DNAAF8: variants seen among roughly 807,000 people sequenced by gnomAD.
DNAAF8 encodes dynein axonemal-associated protein 1.
DNAAF8 carries 61 observed loss-of-function variants against 54.6 expected under a neutral mutation model. That is an observed-to-expected ratio of 1.12 (90% confidence interval 0.91 to 1.38). The LOEUF (loss-of-function observed/expected upper bound fraction) is 1.38. Ranked by LOEUF, DNAAF8 falls within the 40% of genes most tolerant of loss-of-function variation. DNAAF8 has a pLI of 0.00. For synonymous variants in DNAAF8, 320 were observed against 270.1 expected (o/e 1.18, Z -1.81); for missense variants, 837 against 665.0 (o/e 1.26, Z -2.85).
chr16:4,744,280 C>G (rs899098045), intron 5 of DNAAF8, among the ~76,000 whole-genome samples: 2 of 152,044 alleles, frequency 1.3e-5, no homozygotes, highest in Non-Finnish European at 2.9e-5. Flanking sequence ...CAAGCTATTG[C>G]AATTAGAAAA....
chr16:4,737,670 G>A, intron 2 of DNAAF8, 130 bp from the exon 3 acceptor site: 1 of 1,186,852 alleles, frequency 8.4e-7, no homozygotes. Flanking sequence ...GAGCAGCAGG[G>A]CTGGACGGGC....
At chr16:4,746,828 C>T in intron 7 of DNAAF8, 99 bp from the exon 8 acceptor site, 1 of 1,153,482 alleles carries the variant, frequency 8.7e-7, no homozygotes, top group African/African-American at 1.6e-5. Context: ...TGACCTCTTG[C>T]ATTGGGTCAC....
At chr16:4,747,816 G>T (rs945852438) in intron 9 of DNAAF8, among the ~76,000 whole-genome samples, 182 bp downstream of exon 9, 3 of 152,114 alleles carry the variant, frequency 2.0e-5, no homozygotes, top group Non-Finnish European at 2.9e-5. Flanking sequence ...TTAGAGGAAG[G>T]ATGCAGATAC....
At position 4,740,491 on chromosome 16, in the gene DNAAF8, G is replaced by A; in HGVS notation, c.615G>A (p.Lys205=). 1 of 1,614,120 alleles carries A rather than the reference G, an allele frequency of 6.2e-7. No homozygotes were observed. Among genetic ancestry groups the A allele is most frequent in the East Asian group, 2.2e-5 (1 of 44,876 alleles). Residue 205 remains lysine, a synonymous_variant, in exon 4 of 10, where the codon AAG becomes AAA. Transcript: ENST00000299320. ...NRRALRQERR[K]MIETDILQKV... ...GGGCCCTCCGACAGGAGAGAAGGAAGATGATAGAGACGGACATCCTCCAGA... is the reference window on the plus strand; with the variant it reads ...GGGCCCTCCGACAGGAGAGAAGGAAAATGATAGAGACGGACATCCTCCAGA...
intron 2 of DNAAF8, among the ~76,000 whole-genome samples, 173 bp downstream of exon 2, chr16:4,736,816 C>T (rs1384450210): frequency 6.6e-6 from 1 of 152,142 alleles, no homozygotes. Context: ...TTTCTGGGTG[C>T]CTATTTCCTT....
At position 4,747,510 on chromosome 16, in the gene DNAAF8, C is replaced by A; in HGVS notation, c.1448C>A (p.Ala483Asp). Reference protein sequence around the residue: ...TGRKQHMKLCAKGQSAQARLP... With the variant: ...TGRKQHMKLCDKGQSAQARLP... ...AGGAAGCAACACATGAAGCTCTGTG[C>A]CAAGGGGCAGAGCGCCCAGGCTCGA... is the stretch of plus-strand genomic sequence containing the variant. The change falls in exon 9 of 10, where the codon GCC becomes GAC. Residue 483 changes from alanine (A) to aspartate (D), a missense_variant. Ala to Asp is a moderately radical substitution (Grantham distance 126, BLOSUM62 -2). Coordinates refer to ENST00000299320, the MANE Select transcript of DNAAF8 (RefSeq NM_139170.3). 6.2e-7 allele frequency: 1 copy of A among 1,613,254 alleles called. No homozygotes were observed. Among genetic ancestry groups the A allele is most frequent in the Non-Finnish European group, 8.5e-7 (1 of 1,179,958 alleles).
chr16:4,737,641 G>A (rs2081913266), intron 2 of DNAAF8, among the ~76,000 whole-genome samples, 159 bp from the exon 3 acceptor site: 2 of 152,170 alleles, frequency 1.3e-5, no homozygotes, highest in Admixed American at 6.5e-5. Flanking sequence ...GGAGAGAACC[G>A]GATCTCCCCC....
At chr16:4,746,781 T>A (rs2082022701) in intron 7 of DNAAF8, 146 bp from the exon 8 acceptor site, 1 of 815,052 alleles carries the variant, frequency 1.2e-6, no homozygotes, top group Admixed American at 3.2e-5. Context: ...TGTCCTCACC[T>A]CCTGGCAGGA....
rs574716744 is a variant in DNAAF8, at chr16:4,745,723, G to C, written c.1044-652G>C. Among the ~76,000 whole-genome samples, 28 of 152,336 alleles carry C rather than the reference G, an allele frequency of 1.8e-4. No individual in the cohort carries two copies. In the South Asian group the frequency reaches 5.8e-3, roughly 32 times the overall value. On this transcript the variant is annotated intron_variant, in intron 6 of 9. Coordinates refer to ENST00000299320, the MANE Select transcript of DNAAF8 (RefSeq NM_139170.3). ...CCCGGCACTTTGGAAGGCCGAGGCA[G>C]GCAGATCACCTGATGTCAGGAGTTC...
Position 4,743,151 on chromosome 16 carries a change from C to G in DNAAF8, c.892C>G (p.Gln298Glu). 1 of 1,600,008 alleles carries G rather than the reference C, an allele frequency of 6.2e-7. No homozygotes were observed. The highest frequency in any genetic ancestry group is 8.5e-7 in the Non-Finnish European group (1 of 1,170,792). ...TGTGTGGTGGGCAGCTGACCACCGCCAAGTTCAAGGTCTGACCTTGAACAC... is the reference window on the plus strand; with the variant it reads ...TGTGTGGTGGGCAGCTGACCACCGCGAAGTTCAAGGTCTGACCTTGAACAC... ...GTVWWAADHR[Q>E]VQDRMVPSAH... The change falls in exon 5 of 10, where the codon CAA becomes GAA. Residue 298 changes from glutamine to glutamate, a missense_variant. Gln to Glu is a conservative substitution (Grantham distance 29). Transcript: ENST00000299320.
At position 4,746,487 on chromosome 16, in the gene DNAAF8, C is replaced by T; in HGVS notation, c.1156C>T (p.Leu386=). 2 of 1,613,712 alleles carry T rather than the reference C, an allele frequency of 1.2e-6. No homozygotes were observed. The highest frequency in any genetic ancestry group is 1.1e-5 in the South Asian group (1 of 91,084). The change falls in exon 7 of 10, where the codon CTA becomes TTA. Residue 386 remains leucine (L), a synonymous_variant. Transcript: ENST00000299320. ...TIFIDLRQME[L]PDHLSPESSS... ...CTTTATTGACCTGCGGCAGATGGAG[C>T]TACCAGACCACCTGTCCCCAGAAAG...
chr16:4,741,825 G>C (rs1015495081), intron 4 of DNAAF8, among the ~76,000 whole-genome samples: 2 of 152,116 alleles, frequency 1.3e-5, no homozygotes, highest in South Asian at 4.1e-4. Context: ...TGGGGAAAAA[G>C]AGAGGAATGC....
At chr16:4,746,325 A>G (rs760625955) in intron 6 of DNAAF8, 50 bp from the exon 7 acceptor site, 16 of 1,562,026 alleles carry the variant, frequency 1.0e-5, no homozygotes, top group South Asian at 1.2e-5. Flanking sequence ...CGCAGGTCAC[A>G]GAGTTATCAC....
chr16:4,744,727 T>G (rs1393146155), intron 5 of DNAAF8, 143 bp from the exon 6 acceptor site: 3 of 1,033,560 alleles, frequency 2.9e-6, no homozygotes, highest in Non-Finnish European at 4.1e-6. Context: ...GAGGGCTGAG[T>G]AGGGAGAGGG....
intron 3 of DNAAF8, among the ~76,000 whole-genome samples, chr16:4,739,264 T>TG (rs201843456): frequency 3.2e-5 from 4 of 125,654 alleles, no homozygotes; most frequent in East Asian, 2.2e-4. Context: ...GATTTTTTCT[T>TG]GTTTTTTTTT....
At position 4,747,444 on chromosome 16, in the gene DNAAF8, G is replaced by A; in HGVS notation, c.1382G>A (p.Arg461Lys). ...GCCAGCAAGGGGCCCGCGGGTGGGAGGGCTCAGGCCCCTGAAGACACAGCT... is the reference window on the plus strand; with the variant it reads ...GCCAGCAAGGGGCCCGCGGGTGGGAAGGCTCAGGCCCCTGAAGACACAGCT... The part of the protein sequence containing the change: ...LPASKGPAGG[R>K]AQAPEDTAGS... Residue 461 changes from arginine (R) to lysine (K), a missense_variant, in exon 9 of 10, where the codon AGG becomes AAG. Arg to Lys is a conservative substitution (Grantham distance 26, BLOSUM62 2). Transcript: ENST00000299320. 1 of 1,613,118 alleles carries A rather than the reference G, an allele frequency of 6.2e-7. No individual in the cohort carries two copies. Among genetic ancestry groups the A allele is most frequent in the Non-Finnish European group, 8.5e-7 (1 of 1,179,938 alleles).
rs1054886142 is a variant in DNAAF8, at chr16:4,747,328, C to G, written c.1281-15C>G. 1 of 1,539,650 alleles carries G rather than the reference C, an allele frequency of 6.5e-7. No homozygotes were observed. The highest frequency in any genetic ancestry group is 1.4e-5 in the African/African-American group (1 of 72,656). On this transcript the variant is annotated splice_polypyrimidine_tract_variant and intron_variant, in intron 8 of 9. Coordinates refer to ENST00000299320, the MANE Select transcript of DNAAF8 (RefSeq NM_139170.3). Reference sequence around the variant, plus strand: ...CCCCACGGGGTTGAGTGAATTTGGTCTCATTGTGTCACAGGACCTGTACCG... The same window carrying G: ...CCCCACGGGGTTGAGTGAATTTGGTGTCATTGTGTCACAGGACCTGTACCG...
At chr16:4,747,656 G>A in intron 9 of DNAAF8, 22 bp downstream of exon 9, 2 of 1,574,434 alleles carry the variant, frequency 1.3e-6, no homozygotes, top group East Asian at 2.3e-5. Context: ...CCAGGAGTGG[G>A]CAGGGGCGGG....
chr16:4,747,209 T>C (rs2082028756), intron 8 of DNAAF8, 134 bp from the exon 9 acceptor site: 1 of 1,273,650 alleles, frequency 7.9e-7, no homozygotes, highest in Non-Finnish European at 1.1e-6. Flanking sequence ...GTGGCAGCAG[T>C]GATGGGCTGC....
Sources: gnomAD v4.1 joint callset for allele counts (sites outside exome capture counted in the v4.1 genomes callset) on GRCh38, gnomAD v4.1.1 for gene constraint, MANE v1.5 for transcripts, NCBI Gene and HGNC (gene_info 2026-07-23, HGNC 2026-07-21) for gene names.